Variants in XCR1 observed in about 807,000 individuals in gnomAD.
XCR1 encodes X-C motif chemokine receptor 1.
For synonymous variants in XCR1, 187 were observed against 188.5 expected (o/e 0.99, Z 0.06); for missense variants, 356 against 424.2 (o/e 0.84, Z 1.41).
At chr3:46,023,571 G>T (rs1559480065) in intron 1 of XCR1, 7 of 1,456,202 alleles carry the variant, frequency 4.8e-6, no homozygotes, top group Non-Finnish European at 1.9e-6. Flanking sequence ...ACACAGACAA[G>T]GATGTAGCTG....
At chr3:46,043,229 T>G (rs1697566400) in intron 5 of XCR1, among the ~76,000 whole-genome samples, 1 of 151,990 alleles carries the variant, frequency 6.6e-6, no homozygotes. Context: ...TCACCTGAGG[T>G]CAGGAGTTTA....
At chr3:46,071,409 C>A (rs1698162201) in intron 3 of XCR1, among the ~76,000 whole-genome samples, 1 of 151,974 alleles carries the variant, frequency 6.6e-6, no homozygotes, top group Non-Finnish European at 1.5e-5. Flanking sequence ...CTGTACCAAT[C>A]TTCCTGATAC....
intron 3 of XCR1, among the ~76,000 whole-genome samples, chr3:46,071,770 TA>T (rs1387630884): frequency 6.6e-6 from 1 of 152,102 alleles, no homozygotes. Flanking sequence ...CACCTCATGA[TA>T]AAAACACTCA....
chr3:46,084,354 GC>G (rs972559002), intron 1 of XCR1, among the ~76,000 whole-genome samples: 3 of 152,186 alleles, frequency 2.0e-5, no homozygotes, highest in African/African-American at 4.8e-5. Context: ...AGGAATGTGA[GC>G]CCTTTTAAAT....
intron 3 of XCR1, among the ~76,000 whole-genome samples, chr3:46,074,384 G>A (rs1017127359): frequency 5.3e-5 from 8 of 151,854 alleles, no homozygotes; most frequent in Admixed American, 3.3e-4. Context: ...AATACTGCAC[G>A]TTCTCCTTCA....
chr3:46,039,162 T>C (rs1697490125), intron 5 of XCR1, among the ~76,000 whole-genome samples: 1 of 148,524 alleles, frequency 6.7e-6, no homozygotes, highest in African/African-American at 2.5e-5. Context: ...CTTGGAAATG[T>C]GTGATGATGC....
At chr3:46,082,334 G>A (rs1698383400) in intron 1 of XCR1, among the ~76,000 whole-genome samples, 1 of 151,936 alleles carries the variant, frequency 6.6e-6, no homozygotes, top group South Asian at 2.1e-4. Flanking sequence ...TCCATACTGT[G>A]AGTATCCTCT....
At chr3:46,023,700 CAG>C (rs1708218807) in intron 1 of XCR1, 1 of 1,515,226 alleles carries the variant, frequency 6.6e-7, no homozygotes, top group Non-Finnish European at 9.1e-7. Context: ...GGATCTTTGA[CAG>C]GGATCCAGAC....
intron 1 of XCR1, among the ~76,000 whole-genome samples, chr3:46,083,505 G>A (rs746775531): frequency 6.6e-6 from 1 of 152,202 alleles, no homozygotes. Context: ...TAGAGAAAAT[G>A]TGCTAATTAT....
chr3:46,031,283 TG>T (rs1402393491), upstream of XCR1, among the ~76,000 whole-genome samples: 1 of 152,226 alleles, frequency 6.6e-6, no homozygotes, highest in Non-Finnish European at 1.5e-5. Flanking sequence ...GTCGGGGGCC[TG>T]GGAAGGTCCC....
chr3:46,085,670 C>T (rs1280623861), intron 1 of XCR1, among the ~76,000 whole-genome samples: 1 of 152,176 alleles, frequency 6.6e-6, no homozygotes, highest in Non-Finnish European at 1.5e-5. Flanking sequence ...CCAATACTCC[C>T]ACTCACTTCC....
intron 4 of XCR1, among the ~76,000 whole-genome samples, chr3:46,065,726 G>C (rs1052810446): frequency 8.5e-5 from 13 of 152,176 alleles, no homozygotes; most frequent in Non-Finnish European, 1.8e-4. Flanking sequence ...GCAAATTACT[G>C]CTGGAATCAC....
intron 5 of XCR1, among the ~76,000 whole-genome samples, chr3:46,046,767 G>T (rs1174079231): frequency 1.3e-5 from 2 of 152,154 alleles, no homozygotes; most frequent in African/African-American, 4.8e-5. Flanking sequence ...AAGGGTTGAG[G>T]CTCTCCAGGC....
chr3:46,083,329 G>A (rs772308926), intron 1 of XCR1, among the ~76,000 whole-genome samples: 5 of 152,182 alleles, frequency 3.3e-5, no homozygotes, highest in Non-Finnish European at 7.3e-5. Context: ...ACCAGCCATG[G>A]TCCTGTAAGT....
upstream of XCR1, among the ~76,000 whole-genome samples, chr3:46,031,656 G>A (rs1248098827): frequency 1.3e-5 from 2 of 152,202 alleles, no homozygotes; most frequent in African/African-American, 2.4e-5. Context: ...CTTCAAGCTG[G>A]GGAAGGCCTG....
upstream of XCR1, among the ~76,000 whole-genome samples, chr3:46,028,622 C>T (rs769916008): frequency 6.6e-6 from 1 of 151,018 alleles, no homozygotes; most frequent in African/African-American, 2.4e-5. Flanking sequence ...GGCAGGCCCT[C>T]ACTCTGTCAC....
chr3:46,035,477 G>T (rs907595503), intron 5 of XCR1, among the ~76,000 whole-genome samples: 4 of 152,156 alleles, frequency 2.6e-5, no homozygotes, highest in African/African-American at 7.2e-5. Flanking sequence ...AACAGATTTT[G>T]GTTCCCTAAC....
At chr3:46,034,426 C>T (rs1697378862) in intron 5 of XCR1, among the ~76,000 whole-genome samples, 1 of 151,492 alleles carries the variant, frequency 6.6e-6, no homozygotes, top group Non-Finnish European at 1.5e-5. Flanking sequence ...TCTTCTTTCC[C>T]AATCTTTATA....
intron 1 of XCR1, chr3:46,023,176 G>A (rs1708195720): frequency 2.3e-6 from 1 of 441,820 alleles, no homozygotes; most frequent in African/African-American, 2.1e-5. Context: ...GCCTGAGGAG[G>A]AAGTGGAGAG....
Sources: allele counts gnomAD v4.1 joint callset (sites outside exome capture counted in the v4.1 genomes callset), GRCh38; gene constraint gnomAD v4.1.1; transcripts MANE v1.5; gene names NCBI Gene and HGNC (gene_info 2026-07-23, HGNC 2026-07-21).